Variants in COL25A1 observed in about 807,000 individuals in gnomAD.
The protein encoded by COL25A1 is collagen alpha-1(XXV) chain.
In COL25A1, 103 loss-of-function variants were observed where a neutral mutation model predicts 128.4. The observed-to-expected ratio is 0.80, with a 90% CI of 0.68 to 0.94. The LOEUF is 0.94. COL25A1 is among the 40% of genes least tolerant of loss of function. COL25A1 has a pLI of 0.00. For synonymous variants in COL25A1, 279 were observed against 277.2 expected, an observed-to-expected ratio of 1.01 and a Z score of -0.06; for missense variants, 745 against 840.0, an observed-to-expected ratio of 0.89 and a Z score of 1.40.
chr4:108,919,970 C>G (rs1016602519), intron 12 of COL25A1, among the ~76,000 whole-genome samples: 2 of 152,132 alleles, frequency 1.3e-5, no homozygotes, highest in African/African-American at 2.4e-5. Context: ...CCATGTTGGT[C>G]AGGCTGGTCT....
chr4:108,912,959 T>C (rs58550219), intron 13 of COL25A1, among the ~76,000 whole-genome samples: 3,498 of 152,264 alleles, frequency 0.023, 120 homozygotes, highest in African/African-American at 0.079. Context: ...TGTGATGGAT[T>C]CATAGTTGAC....
At chr4:108,903,875 G>T (rs1241510000) in intron 13 of COL25A1, among the ~76,000 whole-genome samples, 1 of 151,978 alleles carries the variant, frequency 6.6e-6, no homozygotes, top group African/African-American at 2.4e-5. Context: ...CTGTTGTTCA[G>T]TTTTAAATTT....
At chr4:108,960,816 A>G (rs1176377593) in intron 8 of COL25A1, among the ~76,000 whole-genome samples, 1 of 151,970 alleles carries the variant, frequency 6.6e-6, no homozygotes, top group Non-Finnish European at 1.5e-5. Context: ...ACGTGTGTGG[A>G]CTCTATTTGG....
chr4:109,141,231 A>T (rs546847049), intron 3 of COL25A1, among the ~76,000 whole-genome samples: 2 of 152,280 alleles, frequency 1.3e-5, no homozygotes, highest in African/African-American at 4.8e-5. Context: ...GTGATGAATT[A>T]TGTTTATTGA....
At chr4:108,936,013 T>C (rs1213817567) in intron 11 of COL25A1, among the ~76,000 whole-genome samples, 1 of 152,200 alleles carries the variant, frequency 6.6e-6, no homozygotes, top group Non-Finnish European at 1.5e-5. Flanking sequence ...GCTTTCGATA[T>C]AAGAATATAC....
intron 3 of COL25A1, among the ~76,000 whole-genome samples, chr4:109,083,089 G>A (rs970707687): frequency 2.6e-5 from 4 of 152,128 alleles, no homozygotes; most frequent in African/African-American, 7.2e-5. Flanking sequence ...ATCTGATATT[G>A]TAATGAAAAT....
chr4:109,077,280 A>G (rs1282826484), intron 3 of COL25A1, among the ~76,000 whole-genome samples: 1 of 152,198 alleles, frequency 6.6e-6, no homozygotes, highest in Non-Finnish European at 1.5e-5. Context: ...TGTGGAATCC[A>G]TATCTATACA....
intron 20 of COL25A1, among the ~76,000 whole-genome samples, chr4:108,865,798 C>T (rs575377212): frequency 3.3e-5 from 5 of 152,274 alleles, no homozygotes; most frequent in Admixed American, 1.3e-4. Context: ...TGCTATGTTG[C>T]CTAGGCTGGT....
At chr4:109,091,404 C>G (rs1764888557) in intron 3 of COL25A1, among the ~76,000 whole-genome samples, 1 of 152,190 alleles carries the variant, frequency 6.6e-6, no homozygotes. Context: ...CCTTTACGCT[C>G]AAAACCACGA....
chr4:109,213,794 A>G (rs1777775464), intron 3 of COL25A1, among the ~76,000 whole-genome samples: 1 of 152,174 alleles, frequency 6.6e-6, no homozygotes, highest in African/African-American at 2.4e-5. Context: ...TAGCTGTCCA[A>G]ATTGTAAGTT....
chr4:108,931,209 T>C (rs1317929990), intron 11 of COL25A1, among the ~76,000 whole-genome samples: 22 of 152,208 alleles, frequency 1.4e-4, no homozygotes, highest in Admixed American at 1.4e-3. Context: ...AACAGATACA[T>C]ATAATATGCA....
At chr4:108,875,672 G>C (rs1392905672) in intron 19 of COL25A1, among the ~76,000 whole-genome samples, 1 of 152,146 alleles carries the variant, frequency 6.6e-6, no homozygotes, top group Non-Finnish European at 1.5e-5. Flanking sequence ...CAAGGATCTA[G>C]AACTAGAATT....
At position 108,813,784 on chromosome 4, in the gene COL25A1, G is replaced by A; in HGVS notation, c.*143C>T. The A allele has an allele frequency of 1.6e-6, 1 of 632,792 alleles. No homozygotes were observed. Among genetic ancestry groups the A allele is most frequent in the Non-Finnish European group, 2.8e-6 (1 of 357,020 alleles). The allele number at this position is 632,792 out of a possible 1,614,324, so 39.2% of individuals were successfully genotyped here. A position where few individuals can be genotyped will look rare whatever the true frequency, so the allele number is the denominator to read the frequency against. On this transcript the variant is annotated 3_prime_UTR_variant, in exon 38 of 38. Transcript: ENST00000399132. ...TTCAGATGTAAGTGGAGTAAAAATGGACATGTATACTACTGCCAGCAGGAA... is the reference window on the plus strand; with the variant it reads ...TTCAGATGTAAGTGGAGTAAAAATGAACATGTATACTACTGCCAGCAGGAA...
intron 19 of COL25A1, among the ~76,000 whole-genome samples, chr4:108,880,328 T>C (rs1739974491): frequency 6.6e-6 from 1 of 152,214 alleles, no homozygotes; most frequent in African/African-American, 2.4e-5. Flanking sequence ...TATAGTGTGA[T>C]GTCATGTTTG....
At chr4:109,002,876 T>C (rs1235719308) in intron 6 of COL25A1, among the ~76,000 whole-genome samples, 1 of 152,092 alleles carries the variant, frequency 6.6e-6, no homozygotes, top group African/African-American at 2.4e-5. Context: ...ACCCATTATC[T>C]AGGTTTTAAG....
chr4:109,039,301 G>T (rs955273262), intron 5 of COL25A1, among the ~76,000 whole-genome samples: 1 of 151,984 alleles, frequency 6.6e-6, no homozygotes, highest in Non-Finnish European at 1.5e-5. Context: ...ACTTGGAATG[G>T]CATGCAAAGT....
intron 3 of COL25A1, among the ~76,000 whole-genome samples, chr4:109,064,892 C>A (rs1294105150): frequency 6.6e-6 from 1 of 152,136 alleles, no homozygotes. Context: ...ATTTCACATC[C>A]AACAGACATG....
intron 3 of COL25A1, among the ~76,000 whole-genome samples, chr4:109,168,288 T>C (rs1015322186): frequency 6.6e-6 from 1 of 152,180 alleles, no homozygotes; most frequent in Non-Finnish European, 1.5e-5. Context: ...TTTAAGTGAA[T>C]TTATTAGATC....
chr4:108,902,454 C>A (rs925536928), intron 13 of COL25A1, among the ~76,000 whole-genome samples: 1 of 151,842 alleles, frequency 6.6e-6, no homozygotes, highest in African/African-American at 2.4e-5. Flanking sequence ...GATAAGTGAA[C>A]GAATGTATCT....
Sources: gnomAD v4.1 joint callset for allele counts (sites outside exome capture counted in the v4.1 genomes callset) on GRCh38, gnomAD v4.1.1 for gene constraint, MANE v1.5 for transcripts, NCBI Gene and HGNC (gene_info 2026-07-23, HGNC 2026-07-21) for gene names.